The following TNRC18 variants were observed in gnomAD, a reference collection of about 807,000 sequenced individuals.
TNRC18 encodes the protein trinucleotide repeat-containing gene 18 protein.
A neutral mutation model predicts 226.7 loss-of-function variants in TNRC18; 69 were observed. That is an observed-to-expected ratio of 0.30 (90% CI 0.25 to 0.37). TNRC18 has a LOEUF of 0.37. Among genes scored for constraint, TNRC18 ranks in the 10% least tolerant of loss-of-function variants. The pLI is 1.00. For synonymous variants in TNRC18, 2,449 were observed against 1,927.6 expected, an observed-to-expected ratio of 1.27 and a Z score of -7.09; for missense variants, 4,754 against 4,256.6, an observed-to-expected ratio of 1.12 and a Z score of -3.25.
intron 5 of TNRC18, among the ~76,000 whole-genome samples, chr7:5,384,854 G>A (rs931867551): frequency 6.6e-6 from 1 of 152,248 alleles, no homozygotes; most frequent in African/African-American, 2.4e-5. Flanking sequence ...GGCTCCAGGA[G>A]CTCCACACAG....
Position 5,376,953 on chromosome 7 carries a change from C to T in TNRC18, c.2502G>A (p.Ala834=), listed in dbSNP as rs767946208. ...PPSLHQGMAP[A]FPPGLGGSLP... is the part of the protein sequence containing the mutation. ...GGGAGCCCCCCAGGCCAGGTGGGAACGCAGGGGCCATGCCCTGGTGCAGAG... is the reference window on the plus strand; with the variant it reads ...GGGAGCCCCCCAGGCCAGGTGGGAATGCAGGGGCCATGCCCTGGTGCAGAG... The change falls in exon 8 of 30, where the codon GCG becomes GCA. Residue 834 remains alanine, a synonymous_variant. Transcript: ENST00000430969. The T allele has an allele frequency of 6.9e-6, 11 of 1,591,726 alleles. No homozygotes were observed. Among genetic ancestry groups the T allele is most frequent in the East Asian group, 4.6e-5 (2 of 43,942 alleles).
chr7:5,388,750 G>C lies in TNRC18; in HGVS notation c.1074C>G (p.Thr358=), dbSNP rs916497557. 5.9e-5 allele frequency: 74 copies of C among 1,245,010 alleles called. No individual in the cohort carries two copies. In the African/African-American group the frequency reaches 1.0e-3, roughly 17 times the overall value. 77.1% of individuals were successfully genotyped at this position (1,245,010 alleles called of 1,614,324 possible). A position where few individuals can be genotyped will look rare whatever the true frequency, so the allele number is the denominator to read the frequency against. The part of the protein sequence containing the change: ...PPAATPAGVY[T]VFREQGREHR... Reference sequence around the variant, plus strand: ...GCTCACGGCCCTGCTCGCGGAAGACGGTGTAGACGCCGGCGGGGGTGGCCG... The same window carrying C: ...GCTCACGGCCCTGCTCGCGGAAGACCGTGTAGACGCCGGCGGGGGTGGCCG... Residue 358 remains threonine (T), a synonymous_variant, in exon 5 of 30, where the codon ACC becomes ACG. Transcript: ENST00000430969.
At position 5,324,421 on chromosome 7, in the gene TNRC18, CCT is replaced by C; in HGVS notation, c.6301-68_6301-67del. ...ACAGGGGTCCTGCCGGGTTGGGGAC[CCT>C]CTCTGGAAACCTGGAGCCACAGTCA... On this transcript the variant is annotated intron_variant, in intron 20 of 29. Coordinates refer to ENST00000430969, the MANE Select transcript of TNRC18 (RefSeq NM_001080495.3). This position sits in a 1 kb window ranked among gnomAD's most constrained non-coding sequence, Gnocchi z 4.8. The C allele has an allele frequency of 1.9e-6, 3 of 1,580,926 alleles. No individual in the cohort carries two copies. The highest frequency in any genetic ancestry group is 3.4e-5 in the Admixed American group (2 of 58,122).
At position 5,388,423 on chromosome 7, in the gene TNRC18, C is replaced by G; in HGVS notation, c.1401G>C (p.Lys467Asn). The change falls in exon 5 of 30, where the codon AAG becomes AAC. Residue 467 changes from lysine (K) to asparagine (N), a missense_variant. Lys to Asn is a moderately conservative substitution (Grantham distance 94, BLOSUM62 0). Transcript: ENST00000430969. ...RAYVPAKELL[K>N]PEADPRPCER... Reference sequence around the variant, plus strand: ...CGCAGGGCCTCGGGTCCGCCTCGGGCTTGAGCAGCTCCTTGGCAGGCACGT... The same window carrying G: ...CGCAGGGCCTCGGGTCCGCCTCGGGGTTGAGCAGCTCCTTGGCAGGCACGT... 1 of 1,481,136 alleles carries G rather than the reference C, an allele frequency of 6.8e-7. No homozygotes were observed. The highest frequency in any genetic ancestry group is 8.9e-7 in the Non-Finnish European group (1 of 1,126,848). 91.7% of individuals were successfully genotyped at this position (1,481,136 alleles called of 1,614,324 possible).
Position 5,362,814 on chromosome 7 carries a change from C to A in TNRC18, c.4231G>T (p.Ala1411Ser). The change falls in exon 12 of 30, where the codon GCC becomes TCC. Residue 1411 changes from alanine (A) to serine (S), a missense_variant. Transcript: ENST00000430969. ...RSQEMGGAER[A>S]LVARPSLESL... is the part of the protein sequence containing the mutation. ...TCCAGGGAGGGCCGCGCCACCAGGG[C>A]CCGCTCCGCACCTGTGGACAGGAGG... 6.4e-7 allele frequency: 1 copy of A among 1,552,670 alleles called. No homozygotes were observed. Among genetic ancestry groups the A allele is most frequent in the East Asian group, 2.4e-5 (1 of 42,026 alleles).
intron 16 of TNRC18, among the ~76,000 whole-genome samples, chr7:5,355,797 G>C (rs1792306496): frequency 6.6e-6 from 1 of 152,158 alleles, no homozygotes; most frequent in Non-Finnish European, 1.5e-5. Context: ...AAGATCACTT[G>C]AGCCCAGGAG....
At chr7:5,333,129 C>G (rs1262116828) in intron 18 of TNRC18, 80 bp from the exon 19 acceptor site, 2 of 1,481,264 alleles carry the variant, frequency 1.4e-6, no homozygotes, top group African/African-American at 2.8e-5. Flanking sequence ...GACACCATTC[C>G]TCCCCGGCGG....
intron 18 of TNRC18, 45 bp downstream of exon 18, chr7:5,345,517 G>GGGGGGCCCCCCCCCCCCCCCCC: frequency 1.1e-5 from 4 of 377,744 alleles, no homozygotes; most frequent in Non-Finnish European, 1.9e-5. Flanking sequence ...AATGGCGTCC[G>GGGGGGCCCCCCCCCCCCCCCCC]CCCCTCCCAC....
chr7:5,369,147 A>G (rs1793918680), intron 11 of TNRC18, among the ~76,000 whole-genome samples: 1 of 152,120 alleles, frequency 6.6e-6, no homozygotes, highest in Non-Finnish European at 1.5e-5. Context: ...CGGGAGTTCG[A>G]GACCAGCCTG....
chr7:5,356,774 T>C (rs1219316759), intron 16 of TNRC18, 142 bp downstream of exon 16: 10 of 1,214,416 alleles, frequency 8.2e-6, no homozygotes, highest in African/African-American at 4.7e-5. Flanking sequence ...CATGCCAAGC[T>C]CAGGCACTGT....
At position 5,394,520 on chromosome 7, in the gene TNRC18, A is replaced by G; in HGVS notation, c.263T>C (p.Leu88Pro). Residue 88 changes from leucine (L) to proline (P), a missense_variant, in exon 3 of 30, where the codon CTG becomes CCG. By Grantham distance (98) the Leu-to-Pro change is moderately conservative. Coordinates refer to ENST00000430969, the MANE Select transcript of TNRC18 (RefSeq NM_001080495.3). The surrounding 1 kb of genome is among the most constrained non-coding windows in gnomAD (Gnocchi z 4.5). ...GGAGCGGAAAGACAGGTCAGAGGGC[A>G]GTGGCACTGGGCTCCCATGGGACGA... ...SASSHGSPVP[L>P]PSDLSFRSPT... 6.4e-7 allele frequency: 1 copy of G among 1,556,226 alleles called. No individual in the cohort carries two copies. The highest frequency in any genetic ancestry group is 8.7e-7 in the Non-Finnish European group (1 of 1,152,130).
chr7:5,333,085 C>A, intron 18 of TNRC18, 36 bp from the exon 19 acceptor site: 4 of 1,541,306 alleles, frequency 2.6e-6, no homozygotes, highest in Non-Finnish European at 2.6e-6. Flanking sequence ...GTCACAGCCT[C>A]GTGGGGACCC....
intron 14 of TNRC18, among the ~76,000 whole-genome samples, chr7:5,360,481 C>T (rs899115345): frequency 1.5e-4 from 23 of 152,174 alleles, no homozygotes; most frequent in Non-Finnish European, 2.2e-4. Context: ...CCGCCTGCCT[C>T]GGCCTCCTAA....
intron 2 of TNRC18, chr7:5,420,574 G>C: frequency 2.2e-6 from 1 of 450,420 alleles, no homozygotes; most frequent in Non-Finnish European, 4.5e-6. Context: ...ATCCCCCGGC[G>C]CTCGGTAACT....
intron 18 of TNRC18, among the ~76,000 whole-genome samples, chr7:5,344,535 G>C (rs1285915443): frequency 6.6e-6 from 1 of 152,146 alleles, no homozygotes; most frequent in Non-Finnish European, 1.5e-5. Context: ...AGACACTGGA[G>C]GTCAGGGGTG....
chr7:5,318,603 AACACAC>A (rs5882053), intron 24 of TNRC18, among the ~76,000 whole-genome samples: 1 of 150,980 alleles, frequency 6.6e-6, no homozygotes, highest in African/African-American at 2.4e-5. Context: ...GCATGATGAG[AACACAC>A]ACACACACAC....
chr7:5,377,908 C>A lies in TNRC18; in HGVS notation c.2255+14G>T, dbSNP rs772959409. On this transcript the variant is annotated intron_variant, in intron 6 of 29. Coordinates refer to ENST00000430969, the MANE Select transcript of TNRC18 (RefSeq NM_001080495.3). The surrounding 1 kb of genome is among the most constrained non-coding windows in gnomAD (Gnocchi z 5.8). ...GATACCCCCTAGACCCTCAGGATCC[C>A]CCGACACCCTCACCTGAGCAGCTTC... 1 of 1,612,988 alleles carries A rather than the reference C, an allele frequency of 6.2e-7. No individual in the cohort carries two copies. Among genetic ancestry groups the A allele is most frequent in the East Asian group, 2.2e-5 (1 of 44,876 alleles).
intron 2 of TNRC18, among the ~76,000 whole-genome samples, chr7:5,399,825 G>C (rs547408446): frequency 6.6e-6 from 1 of 152,160 alleles, no homozygotes; most frequent in South Asian, 2.1e-4. Context: ...AGGAGTTCGA[G>C]ACCAGCCTGG....
intron 18 of TNRC18, among the ~76,000 whole-genome samples, chr7:5,340,776 G>A (rs915774724): frequency 5.9e-5 from 9 of 151,664 alleles, no homozygotes; most frequent in East Asian, 1.9e-4. Context: ...GAAAGAAGCC[G>A]TCTCCATAAC....
Sources: allele counts gnomAD v4.1 joint callset (sites outside exome capture counted in the v4.1 genomes callset), GRCh38; gene constraint gnomAD v4.1.1; non-coding constraint Gnocchi (gnomAD v3.1); transcripts MANE v1.5; gene names NCBI Gene and HGNC (gene_info 2026-07-23, HGNC 2026-07-21).